Variants in ZNF787 observed in about 807,000 individuals in gnomAD.
ZNF787 encodes zinc finger protein 787, also known as TTF-I-interacting peptide 20.
Under a neutral mutation model 16.9 loss-of-function variants are expected in ZNF787, and 7 were observed. That is an observed-to-expected ratio of 0.42 (90% CI 0.24 to 0.78). ZNF787 has a LOEUF of 0.78. Among genes scored for constraint, ZNF787 ranks in the 30% least tolerant of loss-of-function variants. ZNF787 has a pLI of 0.30. For synonymous variants in ZNF787, 345 were observed against 270.9 expected (o/e 1.27, Z -2.69); for missense variants, 551 against 589.3 (o/e 0.94, Z 0.67).
chr19:56,100,273 C>A (rs907891708), intron 2 of ZNF787, among the ~76,000 whole-genome samples: 2 of 151,032 alleles, frequency 1.3e-5, no homozygotes, highest in East Asian at 3.9e-4. Context: ...ACACCCTGCC[C>A]CATGACCCAG....
At chr19:56,103,792 G>C (rs1400217585) in intron 1 of ZNF787, among the ~76,000 whole-genome samples, 1 of 148,570 alleles carries the variant, frequency 6.7e-6, no homozygotes, top group South Asian at 2.2e-4. Context: ...CCACGCACCA[G>C]GAGGGTCTCT....
Position 56,116,442 on chromosome 19 carries a change from A to AAAAT in ZNF787, c.-11+4726_-11+4729dup, listed in dbSNP as rs536717964. On this transcript the variant is annotated intron_variant, in intron 1 of 2. Coordinates refer to ENST00000610935, the MANE Select transcript of ZNF787 (RefSeq NM_001002836.4). ...GGGCGACGGAGTGAGATTCTGTCTC[A>AAAAT]AAATAAATAAATAAATAAATAAAGC... Among the ~76,000 whole-genome samples, 807 of 152,100 alleles carry AAAAT rather than the reference A, an allele frequency of 5.3e-3. 5 individuals carry two copies. The highest frequency in any genetic ancestry group is 0.018 in the African/African-American group (735 of 41,466).
intron 1 of ZNF787, among the ~76,000 whole-genome samples, chr19:56,106,958 G>C (rs1271198860): frequency 6.6e-6 from 1 of 152,246 alleles, no homozygotes; most frequent in Non-Finnish European, 1.5e-5. Context: ...AACGGAGCCA[G>C]CCCCACTGCA....
chr19:56,101,392 G>GGGGACAGGACTCCCACAGACGCA (rs1986094146), intron 2 of ZNF787, among the ~76,000 whole-genome samples: 3 of 152,284 alleles, frequency 2.0e-5, no homozygotes, highest in African/African-American at 4.8e-5. Context: ...CTGCCTGGTG[G>GGGGACAGGACTCCCACAGACGCA]GGGACAGGAC....
At chr19:56,104,538 G>A (rs1430854632) in intron 1 of ZNF787, among the ~76,000 whole-genome samples, 1 of 151,076 alleles carries the variant, frequency 6.6e-6, no homozygotes, top group African/African-American at 2.4e-5. Flanking sequence ...CCACTGATCC[G>A]TGCCACGCAC....
chr19:56,105,673 C>T (rs548512908), intron 1 of ZNF787, among the ~76,000 whole-genome samples: 1 of 152,216 alleles, frequency 6.6e-6, no homozygotes, highest in Admixed American at 6.5e-5. Context: ...CTCCCACTGC[C>T]GGGCCAGGGC....
At chr19:56,117,739 G>T (rs1213546798) in intron 1 of ZNF787, among the ~76,000 whole-genome samples, 1 of 152,222 alleles carries the variant, frequency 6.6e-6, no homozygotes, top group Non-Finnish European at 1.5e-5. Flanking sequence ...GTCCCCATCA[G>T]TCCCACAGTG....
At chr19:56,105,058 G>C (rs1455580973) in intron 1 of ZNF787, among the ~76,000 whole-genome samples, 1 of 152,064 alleles carries the variant, frequency 6.6e-6, no homozygotes, top group Admixed American at 6.5e-5. Context: ...AACCCAGGAG[G>C]CAGAGGTTGC....
At chr19:56,110,031 T>C (rs2029933707) in intron 1 of ZNF787, among the ~76,000 whole-genome samples, 1 of 152,130 alleles carries the variant, frequency 6.6e-6, no homozygotes, top group Non-Finnish European at 1.5e-5. Context: ...CACAACTTTG[T>C]GAATATATTA....
chr19:56,093,641 G>A (rs1377064346), intron 2 of ZNF787, among the ~76,000 whole-genome samples: 1 of 152,186 alleles, frequency 6.6e-6, no homozygotes, highest in East Asian at 1.9e-4. Context: ...GGGCACAGAG[G>A]AACGGGGTTC....
intron 2 of ZNF787, among the ~76,000 whole-genome samples, chr19:56,093,576 A>C (rs1985746838): frequency 6.6e-6 from 1 of 151,902 alleles, no homozygotes; most frequent in Non-Finnish European, 1.5e-5. Flanking sequence ...CCCTCCTCCC[A>C]TCCCTTTCCC....
intron 1 of ZNF787, among the ~76,000 whole-genome samples, chr19:56,115,438 A>C: frequency 7.0e-6 from 1 of 142,936 alleles, no homozygotes; most frequent in Non-Finnish European, 1.5e-5. Flanking sequence ...GGCTCACTGC[A>C]AGCTCCGCCT....
At chr19:56,089,139 CT>C in intron 2 of ZNF787, 47 bp from the exon 3 acceptor site, 1 of 1,369,768 alleles carries the variant, frequency 7.3e-7, no homozygotes. Flanking sequence ...GAGGCAAGGG[CT>C]CCACGCCTGC....
rs2030186075 is a variant in ZNF787 at position 56,117,971 on chromosome 19, G to A, written c.-11+3201C>T. ...CAAGAGAGACGTCCACACTCTGTGA[G>A]CCCAAAGGGAGAAGGCTCAGGCCAC... On this transcript the variant is annotated intron_variant, in intron 1 of 2. Coordinates refer to ENST00000610935, the MANE Select transcript of ZNF787 (RefSeq NM_001002836.4). Among the ~76,000 whole-genome samples, 3 of 152,264 alleles carry A rather than the reference G, an allele frequency of 2.0e-5. No individual in the cohort carries two copies. The South Asian group carries it at 6.2e-4, about 31-fold the overall frequency.
intron 1 of ZNF787, among the ~76,000 whole-genome samples, chr19:56,115,823 G>A (rs956925260): frequency 6.6e-6 from 1 of 152,194 alleles, no homozygotes; most frequent in African/African-American, 2.4e-5. Context: ...GGAGACAGCG[G>A]GGCACAGCCC....
chr19:56,114,693 C>T (rs769069108), intron 1 of ZNF787, among the ~76,000 whole-genome samples: 3 of 152,148 alleles, frequency 2.0e-5, no homozygotes, highest in Non-Finnish European at 4.4e-5. Context: ...ATGTCACGAG[C>T]GTGGTGATAT....
chr19:56,088,268 G>C lies in ZNF787; in HGVS notation c.904C>G (p.Gln302Glu). The change falls in exon 3 of 3, where the codon CAG becomes GAG. Residue 302 changes from glutamine (Q) to glutamate (E), a missense_variant. Around this residue, in one of 4 missense-constraint regions of ZNF787, gnomAD observed 392 missense variants for 312.7 expected, o/e 1.25. Coordinates refer to ENST00000610935, the MANE Select transcript of ZNF787 (RefSeq NM_001002836.4). The surrounding 1 kb of genome is among the most constrained non-coding windows in gnomAD (Gnocchi z 8.6). The stretch of plus-strand genomic sequence containing the variant: ...GCCGCCCCGAGCCCGTCCCCGTGCT[G>C]GGCCCGCTGGTGCGCCAGGAGCCCG... ...GAGLLAHQRA[Q>E]HGDGLGAAGG... 7.1e-7 allele frequency: 1 copy of C among 1,417,774 alleles called. No homozygotes were observed. Among genetic ancestry groups the C allele is most frequent in the Non-Finnish European group, 9.2e-7 (1 of 1,089,738 alleles). The allele number at this position is 1,417,774 out of a possible 1,614,324, so 87.8% of individuals were successfully genotyped here. A position where few individuals can be genotyped will look rare whatever the true frequency, so the allele number is the denominator to read the frequency against.
chr19:56,108,499 C>T (rs1425604156), intron 1 of ZNF787, among the ~76,000 whole-genome samples: 1 of 151,962 alleles, frequency 6.6e-6, no homozygotes, highest in Non-Finnish European at 1.5e-5. Flanking sequence ...CCTCAGGGTC[C>T]CCACTTGCTC....
At chr19:56,108,587 G>A (rs537108109) in intron 1 of ZNF787, among the ~76,000 whole-genome samples, 4 of 151,744 alleles carry the variant, frequency 2.6e-5, no homozygotes, top group Non-Finnish European at 4.4e-5. Context: ...CTGTCCTCCC[G>A]GCACCCTGTC....
Sources: allele counts gnomAD v4.1 joint callset (sites outside exome capture counted in the v4.1 genomes callset), GRCh38; gene constraint gnomAD v4.1.1; regional missense constraint gnomAD v4.1.1; non-coding constraint Gnocchi (gnomAD v3.1); transcripts MANE v1.5; gene names NCBI Gene and HGNC (gene_info 2026-07-23, HGNC 2026-07-21).